CRACDL: variants seen among roughly 807,000 people sequenced by gnomAD.
CRACDL encodes the protein CRACD like.
A neutral mutation model predicts 70.6 loss-of-function variants in CRACDL; 26 were observed. That is an observed-to-expected ratio of 0.37 (90% CI 0.27 to 0.51). The LOEUF is 0.51. Among genes scored for constraint, CRACDL ranks in the 20% least tolerant of loss-of-function variants. The pLI is 0.94. For missense variants in CRACDL, 1,283 were observed against 1,376.9 expected, an observed-to-expected ratio of 0.93 and a Z score of 1.08; for synonymous variants, 618 against 615.2, an observed-to-expected ratio of 1.00 and a Z score of -0.07.
intron 1 of CRACDL, among the ~76,000 whole-genome samples, chr2:98,898,763 G>C (rs1311556307): frequency 1.3e-5 from 2 of 152,234 alleles, no homozygotes; most frequent in African/African-American, 4.8e-5. Context: ...TCAAGGATGA[G>C]TGCAACAGAG....
chr2:98,805,550 A>G (rs1461708251), intron 7 of CRACDL, among the ~76,000 whole-genome samples: 1 of 151,414 alleles, frequency 6.6e-6, no homozygotes, highest in Admixed American at 6.6e-5. Context: ...TCATCCACAC[A>G]ATCTCCCTCC....
intron 1 of CRACDL, among the ~76,000 whole-genome samples, chr2:98,921,994 T>C (rs1221797341): frequency 6.6e-6 from 1 of 152,224 alleles, no homozygotes; most frequent in African/African-American, 2.4e-5. Flanking sequence ...TATTTTCCGA[T>C]TGTGTCAGTA....
intron 1 of CRACDL, among the ~76,000 whole-genome samples, chr2:98,902,056 G>A (rs1708295845): frequency 6.6e-6 from 1 of 152,134 alleles, no homozygotes; most frequent in Non-Finnish European, 1.5e-5. Context: ...ATTCTCCACT[G>A]TAAAAAGTTC....
At position 98,796,241 on chromosome 2, in the gene CRACDL, A is replaced by C. The variant is rs776283358; in HGVS notation, c.2628T>G (p.Phe876Leu). 2.2e-5 allele frequency: 36 copies of C among 1,614,082 alleles called. No individual in the cohort carries two copies. The East Asian group carries it at 3.8e-4, about 17-fold the overall frequency. Residue 876 changes from phenylalanine (F) to leucine (L), a missense_variant, in exon 9 of 10, where the codon TTT becomes TTG. Transcript: ENST00000397899. Reference protein sequence around the residue: ...RGQEPVKQADFVRSKSFLITP... With the variant: ...RGQEPVKQADLVRSKSFLITP... The stretch of plus-strand genomic sequence containing the variant: ...TTATCAGGAAAGACTTGCTGCGAAC[A>C]AAGTCAGCTTGCTTCACAGGCTCCT...
intron 9 of CRACDL, among the ~76,000 whole-genome samples, chr2:98,794,942 C>T (rs1703734474): frequency 6.6e-6 from 1 of 150,938 alleles, no homozygotes; most frequent in East Asian, 1.9e-4. Flanking sequence ...TACAGATGGG[C>T]TGCAGCAATG....
At chr2:98,897,020 CA>C (rs1339878469) in intron 1 of CRACDL, among the ~76,000 whole-genome samples, 9 of 152,244 alleles carry the variant, frequency 5.9e-5, no homozygotes, top group Non-Finnish European at 1.0e-4. Context: ...GGTTTTGACA[CA>C]CATGTAGAGT....
At chr2:98,929,835 G>T (rs1450514361) in intron 1 of CRACDL, among the ~76,000 whole-genome samples, 2 of 152,114 alleles carry the variant, frequency 1.3e-5, no homozygotes, top group Non-Finnish European at 2.9e-5. Context: ...AGTAGAGCAG[G>T]TGTATATCAA....
intron 1 of CRACDL, among the ~76,000 whole-genome samples, chr2:98,927,573 T>C (rs947772950): frequency 1.3e-5 from 2 of 149,742 alleles, no homozygotes; most frequent in African/African-American, 4.9e-5. Flanking sequence ...GTCTGGTATA[T>C]ACACAGGAAA....
chr2:98,803,095 G>A (rs943514398), intron 7 of CRACDL, among the ~76,000 whole-genome samples: 3 of 151,730 alleles, frequency 2.0e-5, no homozygotes, highest in Non-Finnish European at 4.4e-5. Flanking sequence ...CGCCTCCTGG[G>A]TTCAAGGGAT....
intron 1 of CRACDL, among the ~76,000 whole-genome samples, chr2:98,926,868 CAG>C (rs1708919936): frequency 6.6e-6 from 1 of 152,220 alleles, no homozygotes; most frequent in Non-Finnish European, 1.5e-5. Flanking sequence ...AGGAAAGGGG[CAG>C]AGAGAGCGAA....
chr2:98,825,928 C>A (rs1196943170), intron 6 of CRACDL, among the ~76,000 whole-genome samples: 1 of 152,256 alleles, frequency 6.6e-6, no homozygotes. Flanking sequence ...CTGTCTCCAG[C>A]TGAGGCACCC....
intron 1 of CRACDL, among the ~76,000 whole-genome samples, chr2:98,894,841 C>G (rs376500776): frequency 2.0e-5 from 3 of 152,146 alleles, no homozygotes; most frequent in East Asian, 3.8e-4. Context: ...CATGGTGGCT[C>G]ATGTCTGTAA....
At chr2:98,862,403 G>A (rs1706976285) in intron 1 of CRACDL, among the ~76,000 whole-genome samples, 1 of 152,102 alleles carries the variant, frequency 6.6e-6, no homozygotes, top group African/African-American at 2.4e-5. Context: ...AAAGGAACAG[G>A]AAAGTATGGA....
intron 5 of CRACDL, among the ~76,000 whole-genome samples, chr2:98,828,499 G>C (rs925708769): frequency 6.6e-6 from 1 of 152,186 alleles, no homozygotes; most frequent in African/African-American, 2.4e-5. Flanking sequence ...CACATCCGCT[G>C]TTTCTTTTCT....
At chr2:98,922,504 T>C (rs1488843968) in intron 1 of CRACDL, among the ~76,000 whole-genome samples, 1 of 151,266 alleles carries the variant, frequency 6.6e-6, no homozygotes, top group East Asian at 1.9e-4. Flanking sequence ...CACAAGCCTC[T>C]CAAACTACAA....
At chr2:98,839,000 T>C (rs1705910607) in intron 2 of CRACDL, among the ~76,000 whole-genome samples, 1 of 152,236 alleles carries the variant, frequency 6.6e-6, no homozygotes, top group Non-Finnish European at 1.5e-5. Flanking sequence ...TTCACATTAG[T>C]TGCTCAGCAA....
intron 1 of CRACDL, among the ~76,000 whole-genome samples, chr2:98,922,389 G>A (rs1284903090): frequency 2.1e-5 from 3 of 145,202 alleles, no homozygotes; most frequent in Non-Finnish European, 3.0e-5. Flanking sequence ...GCAGTGATCC[G>A]AGATCCCGCT....
intron 1 of CRACDL, among the ~76,000 whole-genome samples, chr2:98,933,681 G>A (rs1462754734): frequency 1.3e-5 from 2 of 152,184 alleles, no homozygotes; most frequent in African/African-American, 4.8e-5. Flanking sequence ...GCCAGTGACT[G>A]CAAGGTAGCT....
At chr2:98,832,295 A>G (rs1218144791) in intron 5 of CRACDL, 53 bp downstream of exon 5, 12 of 1,598,826 alleles carry the variant, frequency 7.5e-6, no homozygotes, top group Non-Finnish European at 1.0e-5. Flanking sequence ...GAGCTCCAGC[A>G]CCCTCCAGGG....
Sources: gnomAD v4.1 joint callset for allele counts (sites outside exome capture counted in the v4.1 genomes callset) on GRCh38, gnomAD v4.1.1 for gene constraint, MANE v1.5 for transcripts, NCBI Gene and HGNC (gene_info 2026-07-23, HGNC 2026-07-21) for gene names.